CDH4: variants seen among roughly 807,000 people sequenced by gnomAD.
CDH4 encodes cadherin 4, also known as cadherin-4.
In CDH4, 33 loss-of-function variants were observed where a neutral mutation model predicts 86.0. The ratio of observed to expected loss-of-function variants is 0.38; its 90% CI spans 0.29 to 0.51. The LOEUF is 0.51. Among genes scored for constraint, CDH4 ranks in the 20% least tolerant of loss-of-function variants. CDH4 has a pLI of 0.86. For synonymous variants in CDH4, 555 were observed against 549.4 expected (o/e 1.01, Z -0.14); for missense variants, 1,114 against 1,307.4 (o/e 0.85, Z 2.28).
chr20:61,353,548 A>G (rs1020379812), intron 2 of CDH4, among the ~76,000 whole-genome samples: 28 of 116,676 alleles, frequency 2.4e-4, no homozygotes, highest in Non-Finnish European at 3.7e-4. Context: ...GAGAGTGGAC[A>G]TCTCTCAGAC....
intron 2 of CDH4, among the ~76,000 whole-genome samples, chr20:61,670,335 TC>T (rs1376275848): frequency 6.6e-6 from 1 of 152,158 alleles, no homozygotes; most frequent in African/African-American, 2.4e-5. Context: ...ACTGTTTTCT[TC>T]CCCCATAGTT....
At chr20:61,367,867 CTTT>C (rs372521090) in intron 2 of CDH4, among the ~76,000 whole-genome samples, 5 of 119,064 alleles carry the variant, frequency 4.2e-5, no homozygotes, top group Non-Finnish European at 3.4e-5. Flanking sequence ...TCTCCAGGAT[CTTT>C]TTTTTTTTTT....
At chr20:61,509,387 G>A (rs1444623767) in intron 2 of CDH4, among the ~76,000 whole-genome samples, 4 of 151,428 alleles carry the variant, frequency 2.6e-5, no homozygotes, top group African/African-American at 9.7e-5. Flanking sequence ...ATGATTTGGT[G>A]ACTCCAGGAG....
chr20:61,331,615 C>T (rs112315738), intron 2 of CDH4, among the ~76,000 whole-genome samples: 4,693 of 64,578 alleles, frequency 0.073, no homozygotes, highest in African/African-American at 0.11. Context: ...GCCACCTGCC[C>T]CAGGCCCACC....
rs967926648 is a variant in CDH4, at chr20:61,879,554, C to T, written c.1050+5654C>T. 1.3e-5 allele frequency among the ~76,000 whole-genome samples: 2 copies of T among 152,132 alleles called. No individual in the cohort carries two copies. Among genetic ancestry groups the T allele is most frequent in the African/African-American group, 2.4e-5 (1 of 41,430 alleles). On this transcript the variant is annotated intron_variant, in intron 7 of 15. Coordinates refer to ENST00000614565, the MANE Select transcript of CDH4 (RefSeq NM_001794.5). The surrounding 1 kb of genome is among the most constrained non-coding windows in gnomAD (Gnocchi z 4.1). The stretch of plus-strand genomic sequence containing the variant: ...ATTAGGCAGAGCTATGTAAATTGAG[C>T]GCTTCTACTTGATTAAGATGTCAGG...
At chr20:61,791,576 G>A (rs1462199864) in intron 4 of CDH4, among the ~76,000 whole-genome samples, 1 of 152,220 alleles carries the variant, frequency 6.6e-6, no homozygotes, top group African/African-American at 2.4e-5. Flanking sequence ...TACATTGCTG[G>A]TGGAGACAGG....
At chr20:61,805,422 G>A (rs149275654) in intron 4 of CDH4, among the ~76,000 whole-genome samples, 59 of 152,298 alleles carry the variant, frequency 3.9e-4, no homozygotes, top group African/African-American at 7.2e-4. Flanking sequence ...AGCCACACCC[G>A]AGCCCCATAA....
Position 61,537,982 on chromosome 20 carries a change from T to C in CDH4, c.170-205581T>C, listed in dbSNP as rs189038106. Among the ~76,000 whole-genome samples the C allele has an allele frequency of 1.1e-4, 17 of 152,294 alleles. No individual in the cohort carries two copies. In the East Asian group the frequency reaches 3.1e-3, roughly 28 times the overall value. On this transcript the variant is annotated intron_variant, in intron 2 of 15. Transcript: ENST00000614565. ...TGGGGTCAGGCCAACCCGGCCACAT[T>C]GCTATGAAGACCAAGTTCTCCCACT...
At chr20:61,395,373 C>G (rs576534860) in intron 2 of CDH4, among the ~76,000 whole-genome samples, 1 of 152,096 alleles carries the variant, frequency 6.6e-6, no homozygotes, top group South Asian at 2.1e-4. Flanking sequence ...AGCAGAAGAA[C>G]CTTTTTGCTC....
At chr20:61,287,295 G>A (rs1266372894) in intron 2 of CDH4, among the ~76,000 whole-genome samples, 1 of 152,086 alleles carries the variant, frequency 6.6e-6, no homozygotes, top group African/African-American at 2.4e-5. Context: ...GGGCAACATC[G>A]AGAGACCTGG....
chr20:61,668,259 G>T (rs2087349039), intron 2 of CDH4, among the ~76,000 whole-genome samples: 1 of 152,228 alleles, frequency 6.6e-6, no homozygotes, highest in South Asian at 2.1e-4. Flanking sequence ...GCAAATGGGT[G>T]TGTGCATGTG....
chr20:61,299,446 C>CG (rs781219797), intron 2 of CDH4, among the ~76,000 whole-genome samples: 40 of 152,242 alleles, frequency 2.6e-4, no homozygotes, highest in Non-Finnish European at 4.0e-4. Context: ...ATGGCAGCCA[C>CG]GGGAAACTGA....
At chr20:61,278,634 T>C (rs913383838) in intron 2 of CDH4, among the ~76,000 whole-genome samples, 2 of 152,238 alleles carry the variant, frequency 1.3e-5, no homozygotes, top group African/African-American at 4.8e-5. Flanking sequence ...TCTACAATAA[T>C]TGTTCTGAGA....
At chr20:61,579,029 G>T (rs999487493) in intron 2 of CDH4, among the ~76,000 whole-genome samples, 2 of 152,160 alleles carry the variant, frequency 1.3e-5, no homozygotes, top group Non-Finnish European at 2.9e-5. Context: ...GGGATGAGCA[G>T]CCGTGATCAT....
At chr20:61,534,327 A>C (rs2085977992) in intron 2 of CDH4, among the ~76,000 whole-genome samples, 1 of 152,198 alleles carries the variant, frequency 6.6e-6, no homozygotes, top group Non-Finnish European at 1.5e-5. Flanking sequence ...CGGGGCAGGA[A>C]CGACCACACG....
In CDH4 at chr20:61,393,342, C is replaced by CCG. The variant is rs2084997189; in HGVS notation, c.169+138405_169+138406insCG. The stretch of plus-strand genomic sequence containing the variant: ...TTCCAGTGGTGTGGGGGACAGCAGC[C>CCG]GGGGGGGGCCGGGGTCTTCCTTACC... On this transcript the variant is annotated intron_variant, in intron 2 of 15. Coordinates refer to ENST00000614565, the MANE Select transcript of CDH4 (RefSeq NM_001794.5). This position sits in a 1 kb window ranked among gnomAD's most constrained non-coding sequence, Gnocchi z 4.3. Among the ~76,000 whole-genome samples the CCG allele has an allele frequency of 6.6e-6, 1 of 151,238 alleles. No individual in the cohort carries two copies. The highest frequency in any genetic ancestry group is 2.4e-5 in the African/African-American group (1 of 41,142).
intron 12 of CDH4, among the ~76,000 whole-genome samples, chr20:61,929,352 G>A (rs1446044504): frequency 2.0e-5 from 3 of 152,128 alleles, no homozygotes; most frequent in Non-Finnish European, 2.9e-5. Flanking sequence ...TGGCCAGGCT[G>A]GTCGTGAACT....
chr20:61,359,051 G>A (rs2084769496), intron 2 of CDH4, among the ~76,000 whole-genome samples: 1 of 152,110 alleles, frequency 6.6e-6, no homozygotes, highest in South Asian at 2.1e-4. Context: ...AGAGAGCCAG[G>A]CAGAGTTTCC....
At chr20:61,664,515 G>A (rs1235509522) in intron 2 of CDH4, among the ~76,000 whole-genome samples, 1 of 152,226 alleles carries the variant, frequency 6.6e-6, no homozygotes, top group Non-Finnish European at 1.5e-5. Context: ...AGCCGGGCTG[G>A]GAGCCGGGCC....
Sources: allele counts gnomAD v4.1 joint callset (sites outside exome capture counted in the v4.1 genomes callset), GRCh38; gene constraint gnomAD v4.1.1; non-coding constraint Gnocchi (gnomAD v3.1); transcripts MANE v1.5; gene names NCBI Gene and HGNC (gene_info 2026-07-23, HGNC 2026-07-21).